LRRC4C: variants seen among roughly 807,000 people sequenced by gnomAD.
LRRC4C encodes leucine rich repeat containing 4C.
LRRC4C carries 5 observed loss-of-function variants against 33.6 expected under a neutral mutation model. That is an observed-to-expected ratio of 0.15 (90% CI 0.08 to 0.31). The LOEUF (loss-of-function observed/expected upper bound fraction) is 0.31, where lower values mean the gene tolerates loss of function less well. Among genes scored for constraint, LRRC4C ranks in the 10% least tolerant of loss-of-function variants. The pLI is 1.00. For synonymous variants in LRRC4C, 329 were observed against 302.0 expected (o/e 1.09, Z -0.93); for missense variants, 560 against 796.7 (o/e 0.70, Z 3.58).
chr11:40,397,485 A>G (rs909964934), intron 3 of LRRC4C, among the ~76,000 whole-genome samples: 5 of 152,308 alleles, frequency 3.3e-5, no homozygotes, highest in Admixed American at 3.3e-4. Flanking sequence ...CTCTGTACCA[A>G]CATTGTCATC....
intron 3 of LRRC4C, among the ~76,000 whole-genome samples, chr11:40,352,492 G>A (rs1454711764): frequency 6.6e-6 from 1 of 151,418 alleles, no homozygotes; most frequent in Non-Finnish European, 1.5e-5. Context: ...TAAGTTTTAG[G>A]GTACATGTGC....
In LRRC4C at chr11:40,732,470, C is replaced by T. The variant is rs1947636640; in HGVS notation, c.-406-84192G>A. Among the ~76,000 whole-genome samples, 2 of 152,094 alleles carry T rather than the reference C, an allele frequency of 1.3e-5. 1 individual carries two copies. Among genetic ancestry groups the T allele is most frequent in the South Asian group, 4.1e-4 (2 of 4,820 alleles). Reference sequence around the variant, plus strand: ...CTTTCTTCCAGAAGTTAAAGTGACACTAAGTGTAAATTCAAGCAGTTGTTA... The same window carrying T: ...CTTTCTTCCAGAAGTTAAAGTGACATTAAGTGTAAATTCAAGCAGTTGTTA... On this transcript the variant is annotated intron_variant, in intron 2 of 6. Coordinates refer to ENST00000528697, the MANE Select transcript of LRRC4C (RefSeq NM_001258419.2).
At chr11:40,224,992 G>A (rs565018146) in intron 5 of LRRC4C, among the ~76,000 whole-genome samples, 1 of 152,096 alleles carries the variant, frequency 6.6e-6, no homozygotes, top group South Asian at 2.1e-4. Flanking sequence ...CCCATAATAA[G>A]CTGCTATATA....
At chr11:41,231,153 TA>T (rs1422041203) in intron 1 of LRRC4C, among the ~76,000 whole-genome samples, 3 of 152,102 alleles carry the variant, frequency 2.0e-5, no homozygotes, top group African/African-American at 4.8e-5. Flanking sequence ...GGAACACTTT[TA>T]CACTGTTGGT....
chr11:40,497,704 G>A (rs1954538832), intron 3 of LRRC4C, among the ~76,000 whole-genome samples: 1 of 152,116 alleles, frequency 6.6e-6, no homozygotes, highest in South Asian at 2.1e-4. Context: ...ACTCTATTCA[G>A]AATTATTTTG....
At chr11:40,498,476 T>A (rs972058021) in intron 3 of LRRC4C, among the ~76,000 whole-genome samples, 19 of 152,254 alleles carry the variant, frequency 1.2e-4, no homozygotes, top group African/African-American at 4.3e-4. Context: ...TTACTTTTGT[T>A]CATTTTAATA....
At chr11:40,524,319 C>G (rs998892757) in intron 3 of LRRC4C, among the ~76,000 whole-genome samples, 5 of 152,042 alleles carry the variant, frequency 3.3e-5, no homozygotes, top group African/African-American at 7.2e-5. Context: ...AAAAGAAATA[C>G]CACAGTAGAT....
intron 3 of LRRC4C, among the ~76,000 whole-genome samples, chr11:40,633,431 C>T (rs919951706): frequency 3.0e-5 from 4 of 131,408 alleles, no homozygotes; most frequent in Non-Finnish European, 6.7e-5. Flanking sequence ...CTCTATCGCC[C>T]AGGTTGGAGT....
intron 1 of LRRC4C, among the ~76,000 whole-genome samples, chr11:41,079,154 C>G (rs545925385): frequency 3.3e-5 from 5 of 152,186 alleles, no homozygotes; most frequent in South Asian, 4.1e-4. Context: ...CAATTCCTTT[C>G]CCACTACTAC....
At chr11:41,293,723 G>A (rs1274754235) in intron 1 of LRRC4C, among the ~76,000 whole-genome samples, 3 of 151,776 alleles carry the variant, frequency 2.0e-5, no homozygotes, top group Non-Finnish European at 4.4e-5. Flanking sequence ...TCAGCCTCCC[G>A]AGTAGCTGGG....
chr11:41,419,072 C>A (rs561128581), intron 1 of LRRC4C, among the ~76,000 whole-genome samples: 1 of 151,582 alleles, frequency 6.6e-6, no homozygotes, highest in Non-Finnish European at 1.5e-5. Context: ...TGAGAAGTTG[C>A]AATTAAGAAA....
intron 2 of LRRC4C, among the ~76,000 whole-genome samples, chr11:40,655,642 T>A (rs1005554477): frequency 6.6e-6 from 1 of 152,168 alleles, no homozygotes; most frequent in Admixed American, 6.5e-5. Flanking sequence ...GCTCACAAAT[T>A]CAGGTAGAAG....
At chr11:41,183,706 C>T (rs1945558157) in intron 1 of LRRC4C, among the ~76,000 whole-genome samples, 2 of 152,178 alleles carry the variant, frequency 1.3e-5, no homozygotes, top group South Asian at 4.1e-4. Flanking sequence ...AGGACAGTGG[C>T]CCTCTTCTCA....
intron 2 of LRRC4C, among the ~76,000 whole-genome samples, chr11:40,754,284 C>T (rs557816301): frequency 6.6e-5 from 10 of 151,930 alleles, no homozygotes; most frequent in South Asian, 4.2e-4. Flanking sequence ...AGCATGATGC[C>T]GTAATTAATA....
chr11:40,199,902 C>G (rs1042902972), intron 5 of LRRC4C, among the ~76,000 whole-genome samples: 2 of 151,828 alleles, frequency 1.3e-5, no homozygotes, highest in African/African-American at 2.4e-5. Context: ...TTATGTTCCA[C>G]GAGATGAGAA....
intron 1 of LRRC4C, among the ~76,000 whole-genome samples, chr11:41,406,289 G>C (rs1442985466): frequency 2.0e-5 from 3 of 152,122 alleles, no homozygotes; most frequent in Non-Finnish European, 4.4e-5. Context: ...TGACAGTTAT[G>C]AACTATATAT....
chr11:41,278,177 T>C (rs1949543404), intron 1 of LRRC4C, among the ~76,000 whole-genome samples: 1 of 152,180 alleles, frequency 6.6e-6, no homozygotes, highest in Admixed American at 6.6e-5. Context: ...GTGAAGAAAG[T>C]GTATATTAAG....
intron 3 of LRRC4C, among the ~76,000 whole-genome samples, chr11:40,431,157 A>T (rs1397556235): frequency 6.7e-6 from 1 of 149,276 alleles, no homozygotes; most frequent in Non-Finnish European, 1.5e-5. Context: ...AAAAAAAAAG[A>T]ACAATCAGCC....
At chr11:40,126,365 A>T (rs1346615178) in intron 6 of LRRC4C, among the ~76,000 whole-genome samples, 1 of 152,126 alleles carries the variant, frequency 6.6e-6, no homozygotes, top group African/African-American at 2.4e-5. Flanking sequence ...ATTAGGTGAG[A>T]TGTTCTGACT....
Sources: gnomAD v4.1 joint callset for allele counts (sites outside exome capture counted in the v4.1 genomes callset) on GRCh38, gnomAD v4.1.1 for gene constraint, MANE v1.5 for transcripts, NCBI Gene and HGNC (gene_info 2026-07-23, HGNC 2026-07-21) for gene names.